The following PPP2R2B variants were observed in gnomAD, a reference collection of about 807,000 sequenced individuals.
PPP2R2B encodes the protein protein phosphatase 2 regulatory subunit Bbeta.
PPP2R2B carries 5 observed loss-of-function variants against 46.0 expected under a neutral mutation model. That is an observed-to-expected ratio of 0.11 (90% CI 0.06 to 0.23). The LOEUF (loss-of-function observed/expected upper bound fraction) is 0.23. Among genes scored for constraint, PPP2R2B ranks in the 10% least tolerant of loss-of-function variants. The pLI is 1.00. For synonymous variants in PPP2R2B, 215 were observed against 206.7 expected (o/e 1.04, Z -0.34); for missense variants, 367 against 575.0 (o/e 0.64, Z 3.70).
At chr5:146,862,270 T>A (rs905387202) in intron 2 of PPP2R2B, among the ~76,000 whole-genome samples, 4 of 152,198 alleles carry the variant, frequency 2.6e-5, no homozygotes, top group African/African-American at 9.7e-5. Context: ...TAATCTACTC[T>A]CAAATTGAAA....
intron 2 of PPP2R2B, among the ~76,000 whole-genome samples, chr5:146,827,467 G>A (rs536093772): frequency 1.3e-5 from 2 of 152,242 alleles, no homozygotes; most frequent in African/African-American, 4.8e-5. Flanking sequence ...TAAAGACTGA[G>A]GCATTATGCT....
chr5:146,877,569 A>G (rs1343766186), intron 2 of PPP2R2B, among the ~76,000 whole-genome samples: 1 of 152,058 alleles, frequency 6.6e-6, no homozygotes, highest in Non-Finnish European at 1.5e-5. Flanking sequence ...ATGGGCAGGA[A>G]ATGAAACCTT....
intron 1 of PPP2R2B, among the ~76,000 whole-genome samples, chr5:146,974,662 A>T (rs1261099158): frequency 7.2e-5 from 11 of 152,058 alleles, no homozygotes; most frequent in Admixed American, 6.6e-5. Flanking sequence ...AGTATAATTT[A>T]AAAAAATGTG....
At chr5:146,783,606 A>C (rs551653835) in intron 2 of PPP2R2B, among the ~76,000 whole-genome samples, 31 of 152,320 alleles carry the variant, frequency 2.0e-4, no homozygotes, top group African/African-American at 7.2e-4. Flanking sequence ...AGAGGCTGTA[A>C]ATTTTTTTAA....
intron 2 of PPP2R2B, among the ~76,000 whole-genome samples, chr5:146,875,481 A>G (rs1306667801): frequency 6.6e-6 from 1 of 152,206 alleles, no homozygotes; most frequent in Non-Finnish European, 1.5e-5. Flanking sequence ...ACTTGCCTGC[A>G]GTCACCACTT....
intron 1 of PPP2R2B, among the ~76,000 whole-genome samples, chr5:146,897,706 A>G (rs979156089): frequency 2.6e-5 from 4 of 152,242 alleles, no homozygotes; most frequent in Non-Finnish European, 5.9e-5. Context: ...CCAGAAATAA[A>G]TAAATAAATC....
At chr5:146,871,067 T>C (rs986712334) in intron 2 of PPP2R2B, among the ~76,000 whole-genome samples, 2 of 152,230 alleles carry the variant, frequency 1.3e-5, no homozygotes, top group Admixed American at 6.5e-5. Flanking sequence ...GAGATAGTTA[T>C]GTTGGGGCTG....
At chr5:147,055,986 A>G, upstream of PPP2R2B, 4 of 1,341,126 alleles carry the variant, frequency 3.0e-6, no homozygotes, top group South Asian at 7.0e-5. Flanking sequence ...AAGCCGGGAT[A>G]TAGCCTCTTC....
intron 2 of PPP2R2B, among the ~76,000 whole-genome samples, chr5:147,070,849 G>C (rs1461640071): frequency 6.6e-6 from 1 of 152,170 alleles, no homozygotes; most frequent in Non-Finnish European, 1.5e-5. Flanking sequence ...AAGCCCATTT[G>C]TATAAAGCTA....
intron 6 of PPP2R2B, among the ~76,000 whole-genome samples, chr5:146,640,415 C>T (rs1268830042): frequency 1.3e-5 from 2 of 152,230 alleles, no homozygotes; most frequent in Non-Finnish European, 2.9e-5. Flanking sequence ...GGAGCAAGAG[C>T]CTGTGCCCCT....
At chr5:146,668,503 T>A (rs1777144494) in intron 5 of PPP2R2B, among the ~76,000 whole-genome samples, 1 of 152,204 alleles carries the variant, frequency 6.6e-6, no homozygotes, top group Non-Finnish European at 1.5e-5. Flanking sequence ...AAAAACTAGA[T>A]CCTCAAACCA....
chr5:146,897,196 G>T (rs1374853343), intron 1 of PPP2R2B, among the ~76,000 whole-genome samples: 1 of 152,088 alleles, frequency 6.6e-6, no homozygotes, highest in East Asian at 1.9e-4. Context: ...AGCCAAGGAG[G>T]GCCCCCATCT....
chr5:146,969,452 GT>G (rs1298916220), intron 1 of PPP2R2B, among the ~76,000 whole-genome samples: 3 of 152,194 alleles, frequency 2.0e-5, no homozygotes, highest in African/African-American at 7.2e-5. Flanking sequence ...ATCAAAAATA[GT>G]TTGTCTTAAA....
rs549949256 is a variant in PPP2R2B, at chr5:147,077,650, T to C, written c.50+3409A>G. On this transcript the variant is annotated intron_variant, in intron 2 of 10. Coordinates refer to the PPP2R2B transcript ENST00000394413. ...TCAACTTCCATTGAGGCAGTGCTAG[T>C]GGAGGTTAAATGACATCTAAGATAT... Among the ~76,000 whole-genome samples the C allele has an allele frequency of 2.6e-5, 4 of 152,278 alleles. No homozygotes were observed. In the South Asian group the frequency reaches 8.3e-4, roughly 32 times the overall value.
At chr5:146,820,011 A>G (rs1333693947) in intron 2 of PPP2R2B, among the ~76,000 whole-genome samples, 1 of 152,224 alleles carries the variant, frequency 6.6e-6, no homozygotes, top group Non-Finnish European at 1.5e-5. Context: ...TGTGGAATCT[A>G]AAAATGTTGA....
At chr5:146,814,787 G>A (rs1370307621) in intron 2 of PPP2R2B, among the ~76,000 whole-genome samples, 9 of 152,184 alleles carry the variant, frequency 5.9e-5, no homozygotes, top group Non-Finnish European at 1.5e-5. Flanking sequence ...AAGAACATAA[G>A]ACCCCAGAGG....
intron 1 of PPP2R2B, among the ~76,000 whole-genome samples, chr5:146,985,984 T>A (rs1202983266): frequency 6.6e-6 from 1 of 152,124 alleles, no homozygotes; most frequent in Non-Finnish European, 1.5e-5. Flanking sequence ...AATAGAACCC[T>A]CTGACAAGTA....
chr5:146,783,708 C>T (rs557272212), intron 2 of PPP2R2B, among the ~76,000 whole-genome samples: 18 of 152,230 alleles, frequency 1.2e-4, no homozygotes, highest in South Asian at 2.1e-4. Flanking sequence ...TTGCAGACAA[C>T]GCATTTGTAA....
chr5:147,051,828 T>C (rs1417272355), intron 1 of PPP2R2B, among the ~76,000 whole-genome samples: 1 of 143,432 alleles, frequency 7.0e-6, no homozygotes, highest in African/African-American at 2.6e-5. Flanking sequence ...AGTAGTGTGA[T>C]CTCGGCTCAC....
Sources: gnomAD v4.1 joint callset for allele counts (sites outside exome capture counted in the v4.1 genomes callset) on GRCh38, gnomAD v4.1.1 for gene constraint, MANE v1.5 for transcripts, NCBI Gene and HGNC (gene_info 2026-07-23, HGNC 2026-07-21) for gene names.